Variants in KIAA1217 observed in about 807,000 individuals in gnomAD.
The protein encoded by KIAA1217 is sickle tail protein homolog.
In KIAA1217, 88 loss-of-function variants were observed where a neutral mutation model predicts 163.9. The observed-to-expected ratio is 0.54, with a 90% CI of 0.45 to 0.64. The LOEUF is 0.64. Ranked by LOEUF, KIAA1217 falls within the 30% of genes least tolerant of loss-of-function variation. KIAA1217 has a pLI of 0.00. For missense variants in KIAA1217, 2,372 were observed against 2,475.0 expected (o/e 0.96, Z 0.88); for synonymous variants, 903 against 923.1 (o/e 0.98, Z 0.39).
Position 24,542,639 on chromosome 10 carries a change from T to G in KIAA1217, c.3535-54T>G, listed in dbSNP as rs369305723. Reference sequence around the variant, plus strand: ...AAGGAACGATTTAGTTATAGTCCACTTTTTTGGGGGGATGTGGTTTTGTGG... The same window carrying G: ...AAGGAACGATTTAGTTATAGTCCACGTTTTTGGGGGGATGTGGTTTTGTGG... On this transcript the variant is annotated intron_variant, in intron 17 of 20. Transcript: ENST00000376454. 4.3e-5 allele frequency: 69 copies of G among 1,596,032 alleles called. No individual in the cohort carries two copies. The East Asian group carries it at 1.2e-3, about 27-fold the overall frequency.
rs569361213 is a variant in KIAA1217, at chr10:24,360,016, C to T, written c.355-20853C>T. ...CTTTGCTCCCCCAGTTACTGACAGA[C>T]TGTGTATCTTTAGGATATAATTACT... On this transcript the variant is annotated intron_variant, in intron 2 of 20. Transcript: ENST00000376454. Among the ~76,000 whole-genome samples, 8 of 141,560 alleles carry T rather than the reference C, an allele frequency of 5.7e-5. No individual in the cohort carries two copies. In the South Asian group the frequency reaches 1.8e-3, roughly 33 times the overall value. The allele number at this position is 141,560 out of a possible 152,430, so 92.9% of individuals were successfully genotyped here. A position where few individuals can be genotyped will look rare whatever the true frequency, so the allele number is the denominator to read the frequency against.
intron 1 of KIAA1217, among the ~76,000 whole-genome samples, chr10:23,984,590 AG>A (rs1403607487): frequency 1.3e-4 from 20 of 152,202 alleles, no homozygotes; most frequent in Non-Finnish European, 2.6e-4. Context: ...GCCATAAAAA[AG>A]GATGAGTTCA....
At chr10:24,060,164 T>A (rs926885049) in intron 2 of KIAA1217, among the ~76,000 whole-genome samples, 3 of 152,130 alleles carry the variant, frequency 2.0e-5, no homozygotes, top group Admixed American at 2.0e-4. Context: ...TTTCCTATTG[T>A]TTTGCTATTC....
intron 2 of KIAA1217, among the ~76,000 whole-genome samples, chr10:24,309,376 A>ACG (rs1347061663): frequency 5.3e-5 from 8 of 151,632 alleles, no homozygotes; most frequent in Non-Finnish European, 1.0e-4. Context: ...ACACACACAC[A>ACG]CACGGGCTTC....
At chr10:24,033,314 A>T (rs894267536) in intron 2 of KIAA1217, among the ~76,000 whole-genome samples, 1 of 152,238 alleles carries the variant, frequency 6.6e-6, no homozygotes, top group Non-Finnish European at 1.5e-5. Flanking sequence ...GAATCTAGGA[A>T]GCATGAAAAA....
chr10:23,785,855 A>G (rs1173570182), intron 1 of KIAA1217, among the ~76,000 whole-genome samples: 1 of 152,148 alleles, frequency 6.6e-6, no homozygotes, highest in Non-Finnish European at 1.5e-5. Flanking sequence ...AGAAAAGAGT[A>G]AAGGAGAAAG....
Position 23,781,964 on chromosome 10 carries a change from C to T in KIAA1217, c.-321+86730C>T, listed in dbSNP as rs559795344. ...TATGCCAGTACCACATTGTTTCAAT[C>T]GCTATAGCTTTATGATAATTTTAAA... On this transcript the variant is annotated intron_variant, in intron 1 of 18. Transcript: ENST00000376462. Among the ~76,000 whole-genome samples the T allele has an allele frequency of 7.9e-5, 12 of 152,202 alleles. 1 individual carries two copies. The East Asian group carries it at 1.4e-3, about 17-fold the overall frequency.
chr10:24,091,014 T>C (rs575705312), intron 2 of KIAA1217, among the ~76,000 whole-genome samples: 1 of 152,012 alleles, frequency 6.6e-6, no homozygotes, highest in South Asian at 2.1e-4. Context: ...GAAAGTACAT[T>C]TTCTGACTTA....
intron 2 of KIAA1217, among the ~76,000 whole-genome samples, chr10:24,193,054 C>T (rs71493366): frequency 0.014 from 2,123 of 152,262 alleles, 25 homozygotes; most frequent in Non-Finnish European, 0.021. Flanking sequence ...GTAACTGGGA[C>T]TATGGGCATG....
chr10:24,146,220 G>T (rs2064303528), intron 2 of KIAA1217, among the ~76,000 whole-genome samples: 1 of 138,822 alleles, frequency 7.2e-6, no homozygotes, highest in Non-Finnish European at 1.5e-5. Context: ...TAATCTCCCT[G>T]CATGCTTTTC....
chr10:24,546,389 T>C lies in KIAA1217; in HGVS notation c.*65T>C. 6.9e-7 allele frequency: 1 copy of C among 1,444,890 alleles called. No individual in the cohort carries two copies. The highest frequency in any genetic ancestry group is 2.3e-5 in the East Asian group (1 of 43,654). 89.5% of individuals were successfully genotyped at this position (1,444,890 alleles called of 1,614,324 possible). ...AAAAAAATTAACAGTCTACAACAAC[T>C]GTTTTCACAAGAGAATGTAACATAT... is the stretch of plus-strand genomic sequence containing the variant. On this transcript the variant is annotated 3_prime_UTR_variant, in exon 21 of 21. Coordinates refer to ENST00000376454, the MANE Select transcript of KIAA1217 (RefSeq NM_019590.5).
chr10:24,157,311 A>C (rs1440415018), intron 2 of KIAA1217, among the ~76,000 whole-genome samples: 2 of 152,172 alleles, frequency 1.3e-5, no homozygotes, highest in African/African-American at 4.8e-5. Context: ...GTATCCATAG[A>C]AATCCCTTGC....
intron 2 of KIAA1217, among the ~76,000 whole-genome samples, chr10:24,284,047 CTA>C (rs2078275386): frequency 6.6e-6 from 1 of 151,934 alleles, no homozygotes; most frequent in Non-Finnish European, 1.5e-5. Context: ...GTAGCAGGAA[CTA>C]TAGGCACAGG....
chr10:24,309,399 A>C (rs1233096572), intron 2 of KIAA1217, among the ~76,000 whole-genome samples: 1 of 151,746 alleles, frequency 6.6e-6, no homozygotes, highest in South Asian at 2.1e-4. Flanking sequence ...TGTTCTTACA[A>C]ATGTTGCACA....
chr10:23,918,010 A>G (rs1040358707), intron 1 of KIAA1217, among the ~76,000 whole-genome samples: 8 of 151,172 alleles, frequency 5.3e-5, no homozygotes, highest in South Asian at 2.1e-4. Flanking sequence ...GACATTTTTT[A>G]TCCCACAATT....
intron 2 of KIAA1217, among the ~76,000 whole-genome samples, chr10:24,091,476 C>G (rs1168614514): frequency 6.6e-6 from 1 of 151,796 alleles, no homozygotes; most frequent in Admixed American, 6.5e-5. Flanking sequence ...GAGTCATTGT[C>G]AAGATCTCTA....
intron 17 of KIAA1217, among the ~76,000 whole-genome samples, chr10:24,537,897 C>T (rs1300908226): frequency 6.6e-6 from 1 of 152,124 alleles, no homozygotes; most frequent in Non-Finnish European, 1.5e-5. Context: ...GTTTGAAATG[C>T]AACTTTAAGT....
At chr10:24,113,217 A>G (rs1216760100) in intron 2 of KIAA1217, among the ~76,000 whole-genome samples, 1 of 152,192 alleles carries the variant, frequency 6.6e-6, no homozygotes, top group Non-Finnish European at 1.5e-5. Context: ...GACTGTAGAC[A>G]TCTAGGTCCA....
At chr10:23,837,011 T>C (rs561540890) in intron 1 of KIAA1217, among the ~76,000 whole-genome samples, 1 of 152,286 alleles carries the variant, frequency 6.6e-6, no homozygotes, top group Non-Finnish European at 1.5e-5. Context: ...ACCTCTCATA[T>C]GCCCAGCAAC....
Sources: allele counts gnomAD v4.1 joint callset (sites outside exome capture counted in the v4.1 genomes callset), GRCh38; gene constraint gnomAD v4.1.1; transcripts MANE v1.5; gene names NCBI Gene and HGNC (gene_info 2026-07-23, HGNC 2026-07-21).